The following DSCAM variants were observed in gnomAD, a reference collection of about 807,000 sequenced individuals.
The protein encoded by DSCAM is DS cell adhesion molecule.
Under a neutral mutation model 217.7 loss-of-function variants are expected in DSCAM, and 47 were observed. The ratio of observed to expected loss-of-function variants is 0.22; its 90% CI spans 0.17 to 0.28. DSCAM has a LOEUF of 0.28. Among genes scored for constraint, DSCAM ranks in the 10% least tolerant of loss-of-function variants. The pLI, the probability that DSCAM is intolerant of heterozygous loss-of-function variation, is 1.00. For missense variants in DSCAM, 2,080 were observed against 2,618.3 expected, an observed-to-expected ratio of 0.79 and a Z score of 4.49; for synonymous variants, 1,056 against 1,015.3, an observed-to-expected ratio of 1.04 and a Z score of -0.76.
At chr21:40,365,646 A>G (rs1185208777) in intron 4 of DSCAM, among the ~76,000 whole-genome samples, 1 of 152,124 alleles carries the variant, frequency 6.6e-6, no homozygotes, top group Non-Finnish European at 1.5e-5. Context: ...AGACACTACT[A>G]ACCTTTCAGA....
intron 2 of DSCAM, among the ~76,000 whole-genome samples, chr21:40,707,347 T>A (rs547175622): frequency 4.4e-4 from 67 of 152,356 alleles, no homozygotes; most frequent in African/African-American, 1.6e-3. Context: ...TTTTCATATA[T>A]CTTGATTAAA....
chr21:40,522,693 G>T (rs560862266), intron 3 of DSCAM, among the ~76,000 whole-genome samples: 1 of 152,242 alleles, frequency 6.6e-6, no homozygotes, highest in South Asian at 2.1e-4. Context: ...AACAAACTTC[G>T]CTTTAAGAAG....
At chr21:40,479,708 G>A (rs138789758) in intron 3 of DSCAM, among the ~76,000 whole-genome samples, 129 of 152,230 alleles carry the variant, frequency 8.5e-4, no homozygotes, top group East Asian at 7.2e-3. Flanking sequence ...CTCACAACAC[G>A]AGGGGATTAT....
intron 3 of DSCAM, among the ~76,000 whole-genome samples, chr21:40,566,050 CT>C (rs1361645975): frequency 6.6e-6 from 1 of 152,212 alleles, no homozygotes; most frequent in Non-Finnish European, 1.5e-5. Flanking sequence ...AAGCCAAACT[CT>C]GTAAACCCTC....
chr21:40,566,174 T>A (rs1568909524), intron 3 of DSCAM, among the ~76,000 whole-genome samples: 1 of 152,000 alleles, frequency 6.6e-6, no homozygotes, highest in Non-Finnish European at 1.5e-5. Flanking sequence ...AGCATGTGCT[T>A]TGGGAGACAG....
At chr21:40,050,962 G>C (rs1487930186) in intron 30 of DSCAM, among the ~76,000 whole-genome samples, 1 of 152,186 alleles carries the variant, frequency 6.6e-6, no homozygotes, top group Non-Finnish European at 1.5e-5. Context: ...TTTTTTAAAT[G>C]AATTTCAATG....
chr21:40,424,214 C>A (rs2075451070), intron 3 of DSCAM, among the ~76,000 whole-genome samples: 2 of 152,250 alleles, frequency 1.3e-5, no homozygotes, highest in African/African-American at 4.8e-5. Flanking sequence ...TGCGTCCCCC[C>A]AAAATTCATG....
intron 3 of DSCAM, among the ~76,000 whole-genome samples, chr21:40,639,470 A>G (rs887619915): frequency 6.6e-6 from 1 of 152,234 alleles, no homozygotes; most frequent in Non-Finnish European, 1.5e-5. Context: ...TCATGTTTGT[A>G]GAAAGTACTA....
intron 3 of DSCAM, among the ~76,000 whole-genome samples, chr21:40,415,737 C>T (rs1021183904): frequency 1.3e-5 from 2 of 152,128 alleles, no homozygotes; most frequent in Non-Finnish European, 2.9e-5. Context: ...CACAGGCTCC[C>T]CAGGGGGCCG....
At chr21:40,082,699 G>GA (rs35477822) in intron 24 of DSCAM, among the ~76,000 whole-genome samples, 1,597 of 137,980 alleles carry the variant, frequency 0.012, 33 homozygotes, top group African/African-American at 0.039. Context: ...TTTCCTAAAA[G>GA]AAAAAAAAAA....
intron 3 of DSCAM, among the ~76,000 whole-genome samples, chr21:40,508,828 A>T (rs1271351592): frequency 1.6e-5 from 2 of 126,780 alleles, no homozygotes; most frequent in African/African-American, 5.9e-5. Context: ...TATAGAGACA[A>T]GGTCTCTTTA....
At chr21:40,275,064 C>T (rs961946265) in intron 11 of DSCAM, among the ~76,000 whole-genome samples, 1 of 151,990 alleles carries the variant, frequency 6.6e-6, no homozygotes, top group African/African-American at 2.4e-5. Flanking sequence ...GTGGCTTATG[C>T]CTGTAATCCC....
chr21:40,163,691 A>G (rs1415988877), intron 16 of DSCAM, among the ~76,000 whole-genome samples: 1 of 152,176 alleles, frequency 6.6e-6, no homozygotes, highest in African/African-American at 2.4e-5. Context: ...TTGGACCACT[A>G]CTGCCCTTTA....
intron 30 of DSCAM, among the ~76,000 whole-genome samples, chr21:40,047,377 T>C (rs2088858538): frequency 6.6e-6 from 1 of 152,168 alleles, no homozygotes; most frequent in Admixed American, 6.5e-5. Flanking sequence ...TCATGGAAAG[T>C]ATTTTGTTAG....
chr21:40,385,668 C>T (rs1157161388), intron 3 of DSCAM, among the ~76,000 whole-genome samples: 1 of 152,182 alleles, frequency 6.6e-6, no homozygotes, highest in Non-Finnish European at 1.5e-5. Flanking sequence ...GTTAATGTGG[C>T]TGAGGGGTTT....
chr21:40,535,945 T>C (rs2076492555), intron 3 of DSCAM, among the ~76,000 whole-genome samples: 1 of 152,170 alleles, frequency 6.6e-6, no homozygotes, highest in Admixed American at 6.5e-5. Context: ...GAGAAGTATT[T>C]ATAGGCAAGA....
In DSCAM at chr21:40,637,594, AAT is replaced by A. The variant is rs1436988704; in HGVS notation, c.508+55214_508+55215del. On this transcript the variant is annotated intron_variant, in intron 3 of 32. Transcript: ENST00000400454. ...ATATATATAAATATATACATATATAAATATATATATAAATATATATAAATATA... is the reference window on the plus strand; with the variant it reads ...ATATATATAAATATATACATATATAAATATATATAAATATATATAAATATA... Among the ~76,000 whole-genome samples the A allele has an allele frequency of 3.8e-3, 135 of 35,526 alleles. 7 individuals carry two copies. The highest frequency in any genetic ancestry group is 0.013 in the African/African-American group (115 of 8,606). The allele number at this position is 35,526 out of a possible 152,430, so 23.3% of individuals were successfully genotyped here. A position where few individuals can be genotyped will look rare whatever the true frequency, so the allele number is the denominator to read the frequency against.
At chr21:40,553,639 G>T (rs2076647729) in intron 3 of DSCAM, among the ~76,000 whole-genome samples, 1 of 152,104 alleles carries the variant, frequency 6.6e-6, no homozygotes, top group Admixed American at 6.5e-5. Flanking sequence ...GCCAACAACT[G>T]TGATATCTAA....
At chr21:40,602,538 A>G (rs1405574397) in intron 3 of DSCAM, among the ~76,000 whole-genome samples, 1 of 152,162 alleles carries the variant, frequency 6.6e-6, no homozygotes, top group Non-Finnish European at 1.5e-5. Flanking sequence ...GTTTCTCCTT[A>G]TACAAATCTT....
Sources: gnomAD v4.1 joint callset for allele counts (sites outside exome capture counted in the v4.1 genomes callset) on GRCh38, gnomAD v4.1.1 for gene constraint, MANE v1.5 for transcripts, NCBI Gene and HGNC (gene_info 2026-07-23, HGNC 2026-07-21) for gene names.